RHBDD1: variants seen among roughly 807,000 people sequenced by gnomAD.
RHBDD1 encodes the protein rhomboid domain containing 1.
A neutral mutation model predicts 36.3 loss-of-function variants in RHBDD1; 38 were observed. The observed-to-expected ratio is 1.05, with a 90% CI of 0.81 to 1.37. The LOEUF (loss-of-function observed/expected upper bound fraction) is 1.37, where lower values mean the gene tolerates loss of function less well. Ranked by LOEUF, RHBDD1 falls within the 40% of genes most tolerant of loss-of-function variation. The pLI is 0.00. For synonymous variants in RHBDD1, 151 were observed against 136.5 expected (o/e 1.11, Z -0.74); for missense variants, 393 against 377.6 (o/e 1.04, Z -0.34).
chr2:226,805,360 G>A, the RHBDD1 span, among the ~76,000 whole-genome samples: 1 of 152,288 alleles, frequency 6.6e-6, no homozygotes, highest in African/African-American at 2.4e-5. Flanking sequence ...TTACAGGCAT[G>A]CCCTACCACG....
chr2:226,869,516 G>A (rs78185740), intron 5 of RHBDD1, among the ~76,000 whole-genome samples: 2,409 of 152,262 alleles, frequency 0.016, 44 homozygotes, highest in East Asian at 0.11. Flanking sequence ...TTAGAACAAA[G>A]CTTGCTTTAT....
intron 5 of RHBDD1, among the ~76,000 whole-genome samples, chr2:226,898,416 G>A (rs372896471): frequency 6.2e-4 from 95 of 152,270 alleles, no homozygotes; most frequent in African/African-American, 2.0e-3. Flanking sequence ...TTCTATCCCC[G>A]TGTCTGCAGT....
intron 3 of RHBDD1, among the ~76,000 whole-genome samples, chr2:226,855,619 G>A (rs929045358): frequency 2.0e-5 from 3 of 152,190 alleles, no homozygotes; most frequent in Non-Finnish European, 4.4e-5. Flanking sequence ...TTCTTAATAT[G>A]GTTATAACAA....
chr2:226,985,286 C>T (rs1328629012), intron 8 of RHBDD1, among the ~76,000 whole-genome samples: 1 of 152,156 alleles, frequency 6.6e-6, no homozygotes, highest in Non-Finnish European at 1.5e-5. Flanking sequence ...TGTCAGTCTC[C>T]TCTGCTCTGG....
chr2:226,940,869 G>T (rs896335173), intron 8 of RHBDD1, among the ~76,000 whole-genome samples: 1 of 152,090 alleles, frequency 6.6e-6, no homozygotes, highest in Non-Finnish European at 1.5e-5. Flanking sequence ...AAGTAGGTTG[G>T]TTCCCTAGGT....
At chr2:226,882,860 T>C (rs898820025) in intron 5 of RHBDD1, among the ~76,000 whole-genome samples, 4 of 152,134 alleles carry the variant, frequency 2.6e-5, no homozygotes, top group African/African-American at 9.7e-5. Context: ...TCATGGTTGG[T>C]TCTTGTTGAG....
chr2:226,975,976 C>G (rs933983710), intron 8 of RHBDD1, among the ~76,000 whole-genome samples: 5 of 151,976 alleles, frequency 3.3e-5, no homozygotes, highest in Non-Finnish European at 7.4e-5. Flanking sequence ...CAGTCACACT[C>G]ATGGTTCCAG....
At chr2:226,903,645 A>C (rs1403520233) in intron 5 of RHBDD1, among the ~76,000 whole-genome samples, 1 of 152,166 alleles carries the variant, frequency 6.6e-6, no homozygotes, top group Non-Finnish European at 1.5e-5. Flanking sequence ...AAGTAGTGAC[A>C]CGGACAGGAG....
chr2:226,842,382 G>A (rs1212992894), intron 3 of RHBDD1, among the ~76,000 whole-genome samples: 2 of 152,068 alleles, frequency 1.3e-5, no homozygotes, highest in East Asian at 3.9e-4. Context: ...TGTCCTGAAT[G>A]GTATTACCTA....
intron 3 of RHBDD1, among the ~76,000 whole-genome samples, chr2:226,840,420 G>T (rs1020683902): frequency 7.2e-5 from 11 of 152,188 alleles, no homozygotes; most frequent in African/African-American, 2.7e-4. Flanking sequence ...CACAGTAATA[G>T]AATCTAGCTC....
the RHBDD1 span, among the ~76,000 whole-genome samples, chr2:226,828,700 A>G: frequency 6.6e-6 from 1 of 152,198 alleles, no homozygotes; most frequent in East Asian, 1.9e-4. Context: ...TTACTCATAT[A>G]TCTTCTTTGA....
intron 8 of RHBDD1, among the ~76,000 whole-genome samples, chr2:226,982,156 G>T (rs535992456): frequency 1.3e-5 from 2 of 152,248 alleles, no homozygotes; most frequent in Non-Finnish European, 2.9e-5. Context: ...GGGCTGGGAG[G>T]TTCCCAGTGA....
intron 8 of RHBDD1, among the ~76,000 whole-genome samples, chr2:226,971,830 C>G (rs1262069400): frequency 6.6e-6 from 1 of 151,274 alleles, no homozygotes; most frequent in Non-Finnish European, 1.5e-5. Flanking sequence ...ATCTTTGTGG[C>G]CTTTCTTCAA....
intron 8 of RHBDD1, among the ~76,000 whole-genome samples, chr2:226,953,399 TAC>T (rs950377434): frequency 6.6e-6 from 1 of 152,162 alleles, no homozygotes; most frequent in African/African-American, 2.4e-5. Flanking sequence ...CTAGAAGAAT[TAC>T]ACAGAGTTCT....
chr2:226,942,694 A>G (rs1389874076), intron 8 of RHBDD1: 1 of 155,376 alleles, frequency 6.4e-6, no homozygotes, highest in African/African-American at 2.4e-5. Context: ...ATGTTTAGCT[A>G]AGTTTTTTTT....
At chr2:226,837,797 T>C (rs1272346035) in intron 1 of RHBDD1, 1 of 152,206 alleles carries the variant, frequency 6.6e-6, no homozygotes, top group African/African-American at 2.4e-5. Flanking sequence ...GTCTTCAGTT[T>C]AGTTATACCT....
chr2:226,806,170 A>G, the RHBDD1 span, among the ~76,000 whole-genome samples: 5,260 of 152,250 alleles, frequency 0.035, 285 homozygotes, highest in African/African-American at 0.11. Flanking sequence ...TAGAAGATTA[A>G]GGACATTAGT....
At position 226,906,802 on chromosome 2, in the gene RHBDD1, C is replaced by T. The variant is rs192369215; in HGVS notation, c.576C>T (p.Phe192=). 22 of 1,614,100 alleles carry T rather than the reference C, an allele frequency of 1.4e-5. No homozygotes were observed. The highest frequency in any genetic ancestry group is 5.3e-5 in the African/African-American group (4 of 75,042). The change falls in exon 6 of 9, where the codon TTC becomes TTT. Residue 192 remains phenylalanine (F), a synonymous_variant. Coordinates refer to ENST00000392062, the MANE Select transcript of RHBDD1 (RefSeq NM_001167608.3). ...AIHLFSPGTS[F]AGHLAGILVG... ...TCTCCTTCCCTCCTAGGACTTCCTT[C>T]GCTGGGCATCTGGCTGGGATTCTTG...
chr2:226,991,657 AC>A (rs1958242957), intron 8 of RHBDD1, among the ~76,000 whole-genome samples: 1 of 152,318 alleles, frequency 6.6e-6, no homozygotes, highest in Admixed American at 6.5e-5. Context: ...TAATCCTTCA[AC>A]AACCCAACAA....
Sources: allele counts gnomAD v4.1 joint callset (sites outside exome capture counted in the v4.1 genomes callset), GRCh38; gene constraint gnomAD v4.1.1; transcripts MANE v1.5; gene names NCBI Gene and HGNC (gene_info 2026-07-23, HGNC 2026-07-21).